The following ATP8B4 variants were observed in gnomAD, a reference collection of about 807,000 sequenced individuals.
ATP8B4 encodes ATPase phospholipid transporting 8B4 (putative), also known as probable phospholipid-transporting ATPase IM.
A neutral mutation model predicts 145.6 loss-of-function variants in ATP8B4; 133 were observed. That is an observed-to-expected ratio of 0.91 (90% CI 0.79 to 1.05). The LOEUF is 1.05. ATP8B4 is among the 50% of genes least tolerant of loss of function. The pLI, the probability that ATP8B4 is intolerant of heterozygous loss-of-function variation, is 0.00. For missense variants in ATP8B4, 1,458 were observed against 1,425.2 expected, an observed-to-expected ratio of 1.02 and a Z score of -0.37; for synonymous variants, 507 against 492.9, an observed-to-expected ratio of 1.03 and a Z score of -0.38.
At chr15:50,020,118 C>T (rs1320998231) in intron 6 of ATP8B4, among the ~76,000 whole-genome samples, 1 of 152,050 alleles carries the variant, frequency 6.6e-6, no homozygotes, top group Non-Finnish European at 1.5e-5. Flanking sequence ...CCATGCCTGG[C>T]TAATTTTTAT....
At chr15:49,932,759 CCTGT>C (rs1214065032) in intron 15 of ATP8B4, among the ~76,000 whole-genome samples, 1 of 151,988 alleles carries the variant, frequency 6.6e-6, no homozygotes, top group Non-Finnish European at 1.5e-5. Context: ...TAGCCCAGTA[CCTGT>C]CTAAGGTGAG....
At chr15:49,907,037 GC>G (rs1002032009) in intron 20 of ATP8B4, among the ~76,000 whole-genome samples, 11 of 152,164 alleles carry the variant, frequency 7.2e-5, no homozygotes, top group Non-Finnish European at 1.5e-4. Context: ...AGGAAGAGCA[GC>G]CACACTTTCC....
intron 3 of ATP8B4, among the ~76,000 whole-genome samples, chr15:50,069,219 T>C (rs2053573559): frequency 6.6e-6 from 1 of 152,228 alleles, no homozygotes; most frequent in Non-Finnish European, 1.5e-5. Flanking sequence ...TTGACGTTTT[T>C]ACCTTCCAGT....
At chr15:49,958,595 T>A (rs2043792897) in intron 14 of ATP8B4, among the ~76,000 whole-genome samples, 1 of 151,804 alleles carries the variant, frequency 6.6e-6, no homozygotes, top group Non-Finnish European at 1.5e-5. Context: ...AAAAGACCTA[T>A]GAGTCTTTTC....
At chr15:50,152,794 T>C (rs886280821) in intron 1 of ATP8B4, among the ~76,000 whole-genome samples, 1 of 152,218 alleles carries the variant, frequency 6.6e-6, no homozygotes, top group Non-Finnish European at 1.5e-5. Context: ...CTTAACCCTT[T>C]CAAAGCTCAG....
chr15:49,944,264 T>C (rs2042390079), intron 14 of ATP8B4, among the ~76,000 whole-genome samples: 2 of 152,116 alleles, frequency 1.3e-5, no homozygotes, highest in African/African-American at 4.8e-5. Flanking sequence ...AATTAAAAGA[T>C]ATAAAGTGAT....
At chr15:49,898,936 A>G (rs1470185212) in intron 21 of ATP8B4, among the ~76,000 whole-genome samples, 1 of 152,194 alleles carries the variant, frequency 6.6e-6, no homozygotes, top group Non-Finnish European at 1.5e-5. Context: ...CCTTCCAATT[A>G]ACTGTGCAAT....
chr15:49,950,661 C>T (rs910829489), intron 14 of ATP8B4, among the ~76,000 whole-genome samples: 10 of 149,222 alleles, frequency 6.7e-5, no homozygotes, highest in South Asian at 2.1e-4. Flanking sequence ...CTCCTGGATT[C>T]GTTGATTTTT....
intron 13 of ATP8B4, among the ~76,000 whole-genome samples, chr15:49,967,180 G>C (rs2044631977): frequency 6.6e-6 from 1 of 152,178 alleles, no homozygotes; most frequent in Admixed American, 6.5e-5. Flanking sequence ...GTGCAAAAAA[G>C]CTGAAAATGC....
chr15:49,931,278 CA>C lies in ATP8B4; in HGVS notation c.1482del (p.Asp495MetfsTer5). 2 of 1,612,498 alleles carry C rather than the reference CA, an allele frequency of 1.2e-6. No homozygotes were observed. The highest frequency in any genetic ancestry group is 1.7e-6 in the Non-Finnish European group (2 of 1,179,104). On this transcript the variant is annotated frameshift_variant, in exon 16 of 28. Transcript: ENST00000284509. LOFTEE classifies it high-confidence loss of function. ...GCGGCAGTCACTAGAGCCCCTTCAT[CA>C]GGTGACTGAACTTGGTAAATCAGCT... Reference protein sequence around the residue: ...AGELIYQVQSPDEGALVTAAR... With the variant: ...AGELIYQVQSXDEGALVTAAR...
intron 14 of ATP8B4, among the ~76,000 whole-genome samples, chr15:49,954,632 T>A (rs989015605): frequency 2.0e-5 from 3 of 152,060 alleles, no homozygotes; most frequent in African/African-American, 7.2e-5. Context: ...AGATACCATC[T>A]CACACCAGTC....
At chr15:49,862,756 A>G (rs2032076162) in intron 26 of ATP8B4, among the ~76,000 whole-genome samples, 1 of 152,126 alleles carries the variant, frequency 6.6e-6, no homozygotes, top group African/African-American at 2.4e-5. Flanking sequence ...CGCCTGGCCA[A>G]GATCTTTTTT....
At chr15:50,067,743 C>G (rs2053476665) in intron 3 of ATP8B4, among the ~76,000 whole-genome samples, 1 of 152,126 alleles carries the variant, frequency 6.6e-6, no homozygotes, top group African/African-American at 2.4e-5. Context: ...TCTAAGCAGG[C>G]ACGTCCTGTA....
At chr15:50,069,896 C>T (rs780496103) in intron 3 of ATP8B4, among the ~76,000 whole-genome samples, 10 of 152,114 alleles carry the variant, frequency 6.6e-5, no homozygotes, top group Non-Finnish European at 1.3e-4. Flanking sequence ...GCCTGAAATA[C>T]GTTCAAAGCA....
intron 20 of ATP8B4, among the ~76,000 whole-genome samples, chr15:49,911,174 G>A (rs547390970): frequency 1.1e-4 from 16 of 152,168 alleles, no homozygotes; most frequent in South Asian, 2.1e-4. Context: ...TAAATTTTCC[G>A]CTTGAAAAAT....
At chr15:49,969,016 G>C (rs766455933) in intron 13 of ATP8B4, among the ~76,000 whole-genome samples, 4 of 152,150 alleles carry the variant, frequency 2.6e-5, no homozygotes, top group Non-Finnish European at 5.9e-5. Flanking sequence ...ACTTGCTCCT[G>C]AATGACTACT....
intron 7 of ATP8B4, among the ~76,000 whole-genome samples, chr15:50,003,273 C>CGTGTGTGTGT (rs1491248763): frequency 5.9e-4 from 51 of 85,944 alleles, no homozygotes; most frequent in South Asian, 5.1e-3. Flanking sequence ...ATAGGGTGTG[C>CGTGTGTGTGT]ATGTGTGTGT....
At chr15:50,080,213 T>G (rs1441263905) in intron 2 of ATP8B4, among the ~76,000 whole-genome samples, 1 of 152,224 alleles carries the variant, frequency 6.6e-6, no homozygotes, top group East Asian at 1.9e-4. Flanking sequence ...AGGATAGCAA[T>G]TAAGCACTCA....
intron 7 of ATP8B4, among the ~76,000 whole-genome samples, chr15:50,004,882 G>A (rs2048190404): frequency 6.6e-6 from 1 of 152,176 alleles, no homozygotes; most frequent in Non-Finnish European, 1.5e-5. Flanking sequence ...AGGTTTCTAA[G>A]AGCCTCATTA....
Sources: allele counts gnomAD v4.1 joint callset (sites outside exome capture counted in the v4.1 genomes callset), GRCh38; gene constraint gnomAD v4.1.1; transcripts MANE v1.5; gene names NCBI Gene and HGNC (gene_info 2026-07-23, HGNC 2026-07-21).